The following PKP1 variants were observed in gnomAD, a reference collection of about 807,000 sequenced individuals.
PKP1 encodes plakophilin 1.
Under a neutral mutation model 76.4 loss-of-function variants are expected in PKP1, and 27 were observed. The ratio of observed to expected loss-of-function variants is 0.35; its 90% CI spans 0.26 to 0.49. PKP1 has a LOEUF of 0.49. Among genes scored for constraint, PKP1 ranks in the 20% least tolerant of loss-of-function variants. The probability of loss-of-function intolerance (pLI) is 0.99; values close to 1 mark genes in which losing one functional copy is unlikely to be tolerated. For missense variants in PKP1, 964 were observed against 955.2 expected (o/e 1.01, Z -0.12); for synonymous variants, 404 against 384.2 (o/e 1.05, Z -0.60).
intron 2 of PKP1, among the ~76,000 whole-genome samples, chr1:201,300,817 G>A (rs1656207267): frequency 6.6e-6 from 1 of 152,236 alleles, no homozygotes; most frequent in Non-Finnish European, 1.5e-5. Flanking sequence ...AGCTCCAGGT[G>A]CAGGAAGTCG....
chr1:201,319,382 C>T (rs1470336944), intron 6 of PKP1, among the ~76,000 whole-genome samples: 1 of 152,138 alleles, frequency 6.6e-6, no homozygotes, highest in Non-Finnish European at 1.5e-5. Context: ...GCTTGGAACC[C>T]TGGAGCAGGA....
intron 2 of PKP1, among the ~76,000 whole-genome samples, chr1:201,310,877 C>A (rs1345178290): frequency 6.6e-6 from 1 of 152,230 alleles, no homozygotes; most frequent in Non-Finnish European, 1.5e-5. Context: ...CAGGTGCAGC[C>A]AATGCCCATT....
At chr1:201,304,880 A>C (rs77714515) in intron 2 of PKP1, among the ~76,000 whole-genome samples, 19,108 of 152,254 alleles carry the variant, frequency 0.13, 1,470 homozygotes, top group African/African-American at 0.21. Context: ...CTCTGAGCTT[A>C]ATATGCTCAC....
Position 201,293,991 on chromosome 1 carries a change from C to G in PKP1, c.252C>G (p.Ser84Arg), listed in dbSNP as rs762024333. The change falls in exon 2 of 14, where the codon AGC becomes AGG. Residue 84 changes from serine to arginine, a missense_variant. Coordinates refer to ENST00000367324, the MANE Select transcript of PKP1 (RefSeq NM_001005337.3). ...ACAATTACAACTATGGGACCACCAG[C>G]AGGAGCAGCTACTACTCCAAGTTCC... ...LADNYNYGTTSRSSYYSKFQA... is the reference protein window; with the variant it reads ...LADNYNYGTTRRSSYYSKFQA... The G allele has an allele frequency of 1.9e-6, 3 of 1,613,970 alleles. No individual in the cohort carries two copies. In the Admixed American group the frequency reaches 5.0e-5, roughly 27 times the overall value.
At chr1:201,284,844 G>A (rs1225108466) in intron 1 of PKP1, among the ~76,000 whole-genome samples, 2 of 152,062 alleles carry the variant, frequency 1.3e-5, no homozygotes, top group African/African-American at 2.4e-5. Context: ...GCTGGATCCC[G>A]GGCCTGGCAC....
chr1:201,320,376 G>A lies in PKP1; in HGVS notation c.1342G>A (p.Asp448Asn), dbSNP rs772241922. The A allele has an allele frequency of 6.2e-6, 10 of 1,606,156 alleles. No homozygotes were observed. The highest frequency in any genetic ancestry group is 2.2e-5 in the East Asian group (1 of 44,854). ...CTGTGTAGCGGCCAGCCGCTGTGAC[G>A]ACAAGGTGAGTGCATCCCCTGGTGG... ...QNCVAASRCD[D>N]KSVENCMCVL... The change falls in exon 7 of 14, where the codon GAC becomes AAC. Residue 448 changes from aspartate to asparagine, a missense_variant. Transcript: ENST00000367324.
chr1:201,329,843 T>C (rs1657262994), intron 13 of PKP1, among the ~76,000 whole-genome samples: 1 of 152,148 alleles, frequency 6.6e-6, no homozygotes, highest in Non-Finnish European at 1.5e-5. Flanking sequence ...CCTTCTTTCT[T>C]AGTGAGGAAG....
chr1:201,308,375 C>G (rs1265569483), intron 2 of PKP1, among the ~76,000 whole-genome samples: 1 of 152,232 alleles, frequency 6.6e-6, no homozygotes, highest in Non-Finnish European at 1.5e-5. Context: ...TCACTGAGCT[C>G]TTGCTGTGAG....
intron 9 of PKP1, 65 bp from the exon 10 acceptor site, chr1:201,324,363 C>T (rs938076490): frequency 2.6e-6 from 4 of 1,557,612 alleles, no homozygotes; most frequent in Non-Finnish European, 3.5e-6. Flanking sequence ...CTCCTTGCCC[C>T]TTTCTGCCTG....
intron 2 of PKP1, among the ~76,000 whole-genome samples, chr1:201,303,950 C>T (rs1270398591): frequency 5.9e-5 from 9 of 152,202 alleles, no homozygotes; most frequent in African/African-American, 1.4e-4. Flanking sequence ...ACCTGCCCCA[C>T]GCCTGGCTGA....
intron 3 of PKP1, among the ~76,000 whole-genome samples, chr1:201,314,445 G>C (rs1014396409): frequency 1.3e-5 from 2 of 152,178 alleles, no homozygotes; most frequent in Admixed American, 6.5e-5. Context: ...CTGGGCAACA[G>C]AGTGAGACCC....
rs546726460 is a variant in PKP1 at position 201,321,894 on chromosome 1, C to G, written c.1348-84C>G. 7.2e-6 allele frequency: 11 copies of G among 1,524,796 alleles called. No individual in the cohort carries two copies. In the Admixed American group the frequency reaches 1.2e-4, roughly 16 times the overall value. 94.5% of individuals were successfully genotyped at this position (1,524,796 alleles called of 1,614,324 possible). ...CCGATGCAGCCCAGGTGCCTCTGCT[C>G]TCTTATTAGCTAGGGTAGGTGGTAG... On this transcript the variant is annotated intron_variant, in intron 7 of 13. Coordinates refer to ENST00000367324, the MANE Select transcript of PKP1 (RefSeq NM_001005337.3).
intron 2 of PKP1, among the ~76,000 whole-genome samples, chr1:201,308,556 G>A (rs1332070349): frequency 1.3e-5 from 2 of 152,216 alleles, no homozygotes; most frequent in Non-Finnish European, 2.9e-5. Context: ...TTTTGGAGAT[G>A]ACAGGTGGAG....
chr1:201,322,155 C>G (rs1772832), intron 8 of PKP1, 22 bp downstream of exon 8: 1 of 1,606,186 alleles, frequency 6.2e-7, no homozygotes, highest in Non-Finnish European at 8.5e-7. Context: ...ATCAGCAGGG[C>G]GGGGCCTGCC....
At chr1:201,284,792 C>T (rs187268431) in intron 1 of PKP1, among the ~76,000 whole-genome samples, 12 of 152,258 alleles carry the variant, frequency 7.9e-5, no homozygotes, top group African/African-American at 2.9e-4. Context: ...CCCCCGGGCC[C>T]CAGGGAGACC....
chr1:201,313,705 T>G, intron 3 of PKP1, 145 bp downstream of exon 3: 1 of 872,066 alleles, frequency 1.1e-6, no homozygotes, highest in African/African-American at 1.7e-5. Context: ...CCTGGTGTAA[T>G]GGACTCCCTA....
At chr1:201,290,286 C>T (rs1487920030) in intron 1 of PKP1, among the ~76,000 whole-genome samples, 2 of 152,036 alleles carry the variant, frequency 1.3e-5, no homozygotes, top group Non-Finnish European at 2.9e-5. Context: ...GGCACTTGCT[C>T]CTTGACCTTG....
chr1:201,318,877 C>A, intron 6 of PKP1, 82 bp downstream of exon 6: 3 of 1,212,460 alleles, frequency 2.5e-6, no homozygotes, highest in Non-Finnish European at 3.6e-6. Flanking sequence ...CAACATTCAG[C>A]CGGTGCATAG....
chr1:201,320,270 C>T lies in PKP1; in HGVS notation c.1236C>T (p.Asn412=), dbSNP rs1656895177. The change falls in exon 7 of 14, where the codon AAC becomes AAT. Residue 412 remains asparagine (N), a synonymous_variant. Transcript: ENST00000367324. The part of the protein sequence containing the change: ...VFFNATGCLR[N]LSSADAGRQT... ...TCCACCCTCTTCTCTCCCCCAGGAA[C>T]CTGAGCTCGGCCGATGCAGGCCGCC... 1.2e-6 allele frequency: 2 copies of T among 1,610,050 alleles called. No individual in the cohort carries two copies. Among genetic ancestry groups the T allele is most frequent in the Non-Finnish European group, 1.7e-6 (2 of 1,176,482 alleles).
Sources: allele counts gnomAD v4.1 joint callset (sites outside exome capture counted in the v4.1 genomes callset), GRCh38; gene constraint gnomAD v4.1.1; transcripts MANE v1.5; gene names NCBI Gene and HGNC (gene_info 2026-07-23, HGNC 2026-07-21).